Variants in CEP112 observed in about 807,000 individuals in gnomAD.
CEP112 encodes the protein centrosomal protein of 112 kDa.
CEP112 carries 127 observed loss-of-function variants against 153.0 expected under a neutral mutation model. That is an observed-to-expected ratio of 0.83 (90% CI 0.72 to 0.96). The LOEUF is 0.96. Among genes scored for constraint, CEP112 ranks in the 40% least tolerant of loss-of-function variants. The probability of loss-of-function intolerance (pLI) is 0.00; values close to 1 mark genes in which losing one functional copy is unlikely to be tolerated. For missense variants in CEP112, 1,089 were observed against 1,101.2 expected (o/e 0.99, Z 0.16); for synonymous variants, 358 against 374.4 (o/e 0.96, Z 0.51).
chr17:65,884,706 CTT>C (rs11370374), intron 20 of CEP112, among the ~76,000 whole-genome samples: 8 of 130,660 alleles, frequency 6.1e-5, no homozygotes, highest in African/African-American at 8.5e-5. Flanking sequence ...TTTGTAGTTT[CTT>C]TTTTTTTTTT....
intron 11 of CEP112, among the ~76,000 whole-genome samples, chr17:66,059,847 GTA>G (rs2066852111): frequency 6.6e-6 from 1 of 152,122 alleles, no homozygotes. Context: ...ACATGCGCTT[GTA>G]TGTTCATTGC....
chr17:66,166,294 G>C (rs2071954025), intron 4 of CEP112, among the ~76,000 whole-genome samples: 1 of 152,068 alleles, frequency 6.6e-6, no homozygotes, highest in Non-Finnish European at 1.5e-5. Context: ...AGTGTTTAAA[G>C]GTCAGGGTTT....
rs574253523 is a variant in CEP112, at chr17:65,843,751, T to C, written c.2394+8053A>G. 1.8e-4 allele frequency among the ~76,000 whole-genome samples: 28 copies of C among 152,312 alleles called. 1 individual carries two copies. Among genetic ancestry groups the C allele is most frequent in the Non-Finnish European group, 2.1e-4 (14 of 68,030 alleles). On this transcript the variant is annotated intron_variant, in intron 21 of 26. Coordinates refer to ENST00000535342, the MANE Select transcript of CEP112 (RefSeq NM_001199165.4). ...CAGGAACCCAAGCTGGTAAATGCTA[T>C]GTCAAAATGCTAAGAGCCTTTTACT...
At chr17:65,666,666 C>T (rs1269486107) in intron 24 of CEP112, among the ~76,000 whole-genome samples, 4 of 152,100 alleles carry the variant, frequency 2.6e-5, no homozygotes, top group Admixed American at 6.5e-5. Context: ...CGCTCAATTT[C>T]CTGAAAACAT....
chr17:65,866,872 T>C (rs2058505067), intron 20 of CEP112, among the ~76,000 whole-genome samples: 1 of 152,134 alleles, frequency 6.6e-6, no homozygotes, highest in African/African-American at 2.4e-5. Context: ...CTCCTCTTCA[T>C]CTTGCTCACC....
rs994318823 is a variant in CEP112, at chr17:66,086,472, C to T, written c.768+9779G>A. Among the ~76,000 whole-genome samples, 3 of 124,740 alleles carry T rather than the reference C, an allele frequency of 2.4e-5. No homozygotes were observed. In the East Asian group the frequency reaches 7.2e-4, roughly 30 times the overall value. The allele number at this position is 124,740 out of a possible 152,430, so 81.8% of individuals were successfully genotyped here. ...AGGCTGGAGTGCAGTGGCGTGATCT[C>T]GGCTCACTGCAAGGTCTGCCTCCCG... On this transcript the variant is annotated intron_variant, in intron 8 of 26. Coordinates refer to ENST00000535342, the MANE Select transcript of CEP112 (RefSeq NM_001199165.4).
chr17:65,635,998 C>T lies in CEP112; in HGVS notation c.2865-24G>A, dbSNP rs575808271. On this transcript the variant is annotated intron_variant, in intron 26 of 26. Transcript: ENST00000535342. Reference sequence around the variant, plus strand: ...ACCTGTAAACCAAAAATCGCAGTCACGACTTTCTCTAGGTTTAACAGGTAT... The same window carrying T: ...ACCTGTAAACCAAAAATCGCAGTCATGACTTTCTCTAGGTTTAACAGGTAT... 8.7e-5 allele frequency: 138 copies of T among 1,594,972 alleles called. No homozygotes were observed. The South Asian group carries it at 1.1e-3, about 13-fold the overall frequency.
At chr17:65,942,377 G>T (rs2061530765) in intron 18 of CEP112, among the ~76,000 whole-genome samples, 1 of 152,120 alleles carries the variant, frequency 6.6e-6, no homozygotes, top group African/African-American at 2.4e-5. Flanking sequence ...GGGTACTGCT[G>T]GTTTAAATAG....
chr17:65,937,529 C>G (rs1187245815), intron 18 of CEP112, among the ~76,000 whole-genome samples: 2 of 137,656 alleles, frequency 1.5e-5, no homozygotes, highest in Admixed American at 8.3e-5. Flanking sequence ...AGTGAGGAGC[C>G]CCTCTGCCCG....
chr17:65,890,893 C>A (rs1431290843), intron 20 of CEP112, among the ~76,000 whole-genome samples: 1 of 152,144 alleles, frequency 6.6e-6, no homozygotes, highest in Non-Finnish European at 1.5e-5. Context: ...TACTGTGTCT[C>A]CTATACCACG....
chr17:65,862,773 T>C (rs536369722), intron 20 of CEP112, among the ~76,000 whole-genome samples: 147 of 152,294 alleles, frequency 9.7e-4, no homozygotes, highest in Non-Finnish European at 1.9e-3. Flanking sequence ...AGAATGCTTC[T>C]AAAAGATAAT....
intron 21 of CEP112, among the ~76,000 whole-genome samples, chr17:65,789,782 C>T (rs2054490209): frequency 1.3e-5 from 2 of 152,096 alleles, no homozygotes; most frequent in Admixed American, 6.6e-5. Context: ...TATTTTATTG[C>T]TTATTATATT....
intron 17 of CEP112, among the ~76,000 whole-genome samples, chr17:65,996,989 G>A (rs1248813735): frequency 6.6e-6 from 1 of 152,134 alleles, no homozygotes; most frequent in Non-Finnish European, 1.5e-5. Context: ...TGGGTGGCTT[G>A]CCTGAGCTCA....
chr17:65,876,298 T>A (rs1401692405), intron 20 of CEP112, among the ~76,000 whole-genome samples: 2 of 152,240 alleles, frequency 1.3e-5, no homozygotes, highest in Non-Finnish European at 2.9e-5. Context: ...TGCATGCTTG[T>A]AACGTCTTAT....
At chr17:66,031,647 C>T (rs975932036) in intron 12 of CEP112, among the ~76,000 whole-genome samples, 22 of 151,734 alleles carry the variant, frequency 1.4e-4, no homozygotes, top group Non-Finnish European at 2.4e-4. Flanking sequence ...TTTTTGGTAG[C>T]GATGGGGTCT....
intron 16 of CEP112, among the ~76,000 whole-genome samples, chr17:66,023,078 C>A (rs1347682330): frequency 1.3e-5 from 2 of 151,964 alleles, no homozygotes; most frequent in Non-Finnish European, 2.9e-5. Context: ...CATAAAGCAA[C>A]TGAAGTTACA....
chr17:66,066,808 C>T lies in CEP112; in HGVS notation c.925G>A (p.Glu309Lys). 6.4e-7 allele frequency: 1 copy of T among 1,552,908 alleles called. No individual in the cohort carries two copies. The highest frequency in any genetic ancestry group is 8.7e-7 in the Non-Finnish European group (1 of 1,152,300). ...TLYRSKQHET[E>K]ETIRKLEKKV... ...TTTTCAAGCTTTCTAATAGTCTCTT[C>T]AGTTTCATGTTGTTTACTCCTGTAT... The change falls in exon 10 of 27, where the codon GAA (glutamate) becomes AAA (lysine). Residue 309 changes from glutamate to lysine, a missense_variant. Transcript: ENST00000535342.
At chr17:66,079,623 C>T (rs377126295) in intron 8 of CEP112, among the ~76,000 whole-genome samples, 5 of 152,080 alleles carry the variant, frequency 3.3e-5, no homozygotes, top group Non-Finnish European at 5.9e-5. Flanking sequence ...ATCAAGCTAC[C>T]ATTGACTTTT....
At position 65,729,911 on chromosome 17, in the gene CEP112, TCAAACAAACAAACAAA is replaced by T. The variant is rs67336747; in HGVS notation, c.2607+13141_2607+13156del. Among the ~76,000 whole-genome samples, 556 of 151,232 alleles carry T rather than the reference TCAAACAAACAAACAAA, an allele frequency of 3.7e-3. 5 individuals carry two copies. Among genetic ancestry groups the T allele is most frequent in the South Asian group, 0.021 (99 of 4,768 alleles). ...CTGGGCCACATAGCGAGATCCTGTC[TCAAACAAACAAACAAA>T]CAAACAAACAAACAAACAAACAGAA... On this transcript the variant is annotated intron_variant, in intron 23 of 26. Coordinates refer to ENST00000535342, the MANE Select transcript of CEP112 (RefSeq NM_001199165.4).
Sources: gnomAD v4.1 joint callset for allele counts (sites outside exome capture counted in the v4.1 genomes callset) on GRCh38, gnomAD v4.1.1 for gene constraint, MANE v1.5 for transcripts, NCBI Gene and HGNC (gene_info 2026-07-23, HGNC 2026-07-21) for gene names.